TMEM181: variants seen among roughly 807,000 people sequenced by gnomAD.
TMEM181 encodes transmembrane protein 181.
Under a neutral mutation model 71.9 loss-of-function variants are expected in TMEM181, and 39 were observed. The ratio of observed to expected loss-of-function variants is 0.54; its 90% confidence interval spans 0.42 to 0.71. The LOEUF is 0.71. TMEM181 is among the 30% of genes least tolerant of loss of function. The pLI is 0.00. For synonymous variants in TMEM181, 245 were observed against 228.8 expected (o/e 1.07, Z -0.64); for missense variants, 595 against 583.0 (o/e 1.02, Z -0.21).
chr6:158,622,177 A>G lies in TMEM181; in HGVS notation c.897-1373A>G, dbSNP rs527935040. 2.0e-5 allele frequency among the ~76,000 whole-genome samples: 3 copies of G among 152,390 alleles called. No individual in the cohort carries two copies. The South Asian group carries it at 6.2e-4, about 32-fold the overall frequency. Reference sequence around the variant, plus strand: ...CTGGTATGTTTTTCTCTATACATACATACCTATGATAAAGATTATTTGTTA... The same window carrying G: ...CTGGTATGTTTTTCTCTATACATACGTACCTATGATAAAGATTATTTGTTA... On this transcript the variant is annotated intron_variant, in intron 10 of 16. Transcript: ENST00000684151.
At chr6:158,559,996 T>A, upstream of TMEM181, 1 of 961,712 alleles carries the variant, frequency 1.0e-6, no homozygotes, top group South Asian at 4.8e-5. Flanking sequence ...GCCACCCCCC[T>A]CGCCGCGCGC....
intron 13 of TMEM181, chr6:158,626,705 A>C (rs1157250153): frequency 4.4e-6 from 2 of 457,162 alleles, no homozygotes; most frequent in Admixed American, 4.7e-5. Flanking sequence ...GTTCAGTGCT[A>C]GGTGTGCACG....
intron 6 of TMEM181, among the ~76,000 whole-genome samples, chr6:158,597,442 C>T (rs2128309883): frequency 6.6e-6 from 1 of 152,214 alleles, no homozygotes; most frequent in Middle Eastern, 3.4e-3. Context: ...GCTGTATCCT[C>T]TGGAAAGGAC....
chr6:158,617,909 A>G (rs1198141340), intron 10 of TMEM181, among the ~76,000 whole-genome samples: 5 of 152,182 alleles, frequency 3.3e-5, no homozygotes, highest in Admixed American at 1.3e-4. Flanking sequence ...TATGTGGTCA[A>G]TTTTGGAATA....
At chr6:158,612,227 C>T (rs984707189) in intron 10 of TMEM181, among the ~76,000 whole-genome samples, 8 of 152,232 alleles carry the variant, frequency 5.3e-5, no homozygotes, top group Middle Eastern at 3.4e-3. Context: ...TTCCTTGAAA[C>T]GTAAGAAGTT....
intron 6 of TMEM181, among the ~76,000 whole-genome samples, chr6:158,595,483 T>C (rs9355668): frequency 0.36 from 55,038 of 152,072 alleles, 11,035 homozygotes; most frequent in East Asian, 0.75. Context: ...AAAAGACTTG[T>C]ATTTAGATAT....
rs1454089749 is a variant in TMEM181 at position 158,607,671 on chromosome 6, TAAAAC to T, written c.673+339_673+343del. Among the ~76,000 whole-genome samples, 15 of 152,188 alleles carry T rather than the reference TAAAAC, an allele frequency of 9.9e-5. No individual in the cohort carries two copies. In the East Asian group the frequency reaches 1.2e-3, roughly 12 times the overall value. On this transcript the variant is annotated intron_variant, in intron 8 of 16. Coordinates refer to ENST00000684151, the MANE Select transcript of TMEM181 (RefSeq NM_001376852.1). ...GATAACAGAGCAAGACCCTGTCTCT[TAAAAC>T]AAAACAAAACTAAAGCTGGAAGCCA... is the stretch of plus-strand genomic sequence containing the variant.
intron 1 of TMEM181, among the ~76,000 whole-genome samples, chr6:158,552,166 T>C (rs1781741385): frequency 6.6e-6 from 1 of 152,178 alleles, no homozygotes; most frequent in Admixed American, 6.5e-5. Flanking sequence ...TAATCAAAAA[T>C]CGAATTGAGA....
intron 3 of TMEM181, 43 bp from the exon 4 acceptor site, chr6:158,583,911 C>G (rs758659348): frequency 1.4e-6 from 2 of 1,468,996 alleles, no homozygotes; most frequent in South Asian, 2.5e-5. Flanking sequence ...TTGGTAGACT[C>G]AATGAAAAGG....
chr6:158,583,714 G>A (rs1051492408), intron 3 of TMEM181, among the ~76,000 whole-genome samples: 1 of 151,956 alleles, frequency 6.6e-6, no homozygotes, highest in Non-Finnish European at 1.5e-5. Flanking sequence ...GCAGGAGAAT[G>A]GCGTGAACCC....
At chr6:158,572,650 T>C (rs961858758) in intron 1 of TMEM181, among the ~76,000 whole-genome samples, 1 of 152,204 alleles carries the variant, frequency 6.6e-6, no homozygotes, top group African/African-American at 2.4e-5. Context: ...TTTACAGAGT[T>C]TTCTTTTGTT....
At chr6:158,538,629 GT>G (rs559546388) in intron 1 of TMEM181, among the ~76,000 whole-genome samples, 7 of 152,162 alleles carry the variant, frequency 4.6e-5, no homozygotes, top group Non-Finnish European at 1.0e-4. Flanking sequence ...CATTTTTTAT[GT>G]TCCTGCTGTT....
rs553204498 is a variant in TMEM181 at position 158,537,653 on chromosome 6, G to A, written c.131+788G>A. On this transcript the variant is annotated intron_variant, in intron 1 of 16. Coordinates refer to the TMEM181 transcript ENST00000367090. ...GGACCCTATCGCGAGTCGGTAGAAA[G>A]CTCCCTCACCCCCCCACCTCAACCT... 2.6e-3 allele frequency among the ~76,000 whole-genome samples: 393 copies of A among 152,308 alleles called. 2 individuals carry two copies. Among genetic ancestry groups the A allele is most frequent in the Middle Eastern group, 0.01 (3 of 294 alleles).
intron 6 of TMEM181, among the ~76,000 whole-genome samples, chr6:158,590,754 G>T (rs181827100): frequency 6.6e-6 from 1 of 152,210 alleles, no homozygotes; most frequent in Non-Finnish European, 1.5e-5. Flanking sequence ...GAGCCACCGC[G>T]CCCGGCCCAT....
intron 10 of TMEM181, chr6:158,610,963 T>G: frequency 2.4e-6 from 1 of 420,588 alleles, no homozygotes; most frequent in Non-Finnish European, 4.6e-6. Flanking sequence ...ACCGTGGAGA[T>G]CTCCAGATCA....
Position 158,631,370 on chromosome 6 carries a change from G to A in TMEM181, c.1330G>A (p.Asp444Asn). 2 of 1,614,232 alleles carry A rather than the reference G, an allele frequency of 1.2e-6. No individual in the cohort carries two copies. The highest frequency in any genetic ancestry group is 1.7e-6 in the Non-Finnish European group (2 of 1,180,050). The change falls in exon 16 of 17, where the codon GAT becomes AAT. Residue 444 changes from aspartate to asparagine, a missense_variant. Asp to Asn is a conservative substitution (Grantham distance 23, BLOSUM62 1). Transcript: ENST00000684151. ...NPAFSMLNDS[D>N]DDVIYGSDYE... ...TGCCTTCTCCATGCTGAATGACTCGGATGATGATGTGATTTATGGGTAAGT... is the reference window on the plus strand; with the variant it reads ...TGCCTTCTCCATGCTGAATGACTCGAATGATGATGTGATTTATGGGTAAGT...
At chr6:158,618,294 T>C (rs1785736019) in intron 10 of TMEM181, among the ~76,000 whole-genome samples, 1 of 146,964 alleles carries the variant, frequency 6.8e-6, no homozygotes, top group Non-Finnish European at 1.5e-5. Flanking sequence ...GAGACTAGGA[T>C]TGCAACCCCT....
chr6:158,541,617 G>A (rs1332599239), intron 1 of TMEM181, among the ~76,000 whole-genome samples: 1 of 152,044 alleles, frequency 6.6e-6, no homozygotes, highest in Non-Finnish European at 1.5e-5. Context: ...CCGTTTCCAC[G>A]CCTCCATGCT....
In TMEM181 at chr6:158,580,809, T is replaced by C. The variant is rs1354868232; in HGVS notation, c.113-131T>C. The C allele has an allele frequency of 1.7e-5, 12 of 718,202 alleles. No individual in the cohort carries two copies. The Admixed American group carries it at 2.5e-4, about 15-fold the overall frequency. 44.5% of individuals were successfully genotyped at this position (718,202 alleles called of 1,614,324 possible). ...TATCTTCTACTTACACATTGTATAA[T>C]CTCTAAAGAAAAACCAGGTGAATTA... On this transcript the variant is annotated intron_variant, in intron 2 of 16. Transcript: ENST00000684151.
Sources: allele counts gnomAD v4.1 joint callset (sites outside exome capture counted in the v4.1 genomes callset), GRCh38; gene constraint gnomAD v4.1.1; transcripts MANE v1.5; gene names NCBI Gene and HGNC (gene_info 2026-07-23, HGNC 2026-07-21).